The following PCID2 variants were observed in gnomAD, a reference collection of about 807,000 sequenced individuals.
PCID2 encodes the protein PCI domain-containing protein 2.
PCID2 carries 41 observed loss-of-function variants against 61.3 expected under a neutral mutation model. The observed-to-expected ratio is 0.67, with a 90% CI of 0.52 to 0.87. The LOEUF (loss-of-function observed/expected upper bound fraction) is 0.87. PCID2 is among the 40% of genes least tolerant of loss of function. PCID2 has a pLI of 0.00. For missense variants in PCID2, 392 were observed against 493.4 expected (o/e 0.79, Z 1.95); for synonymous variants, 187 against 177.8 (o/e 1.05, Z -0.41).
At chr13:113,180,426 T>G (rs1052887506) in intron 10 of PCID2, among the ~76,000 whole-genome samples, 195 bp from the exon 11 acceptor site, 3 of 152,224 alleles carry the variant, frequency 2.0e-5, no homozygotes, top group African/African-American at 7.2e-5. Context: ...TACAACACAC[T>G]TTTGTCATTC....
intron 1 of PCID2, 170 bp from the exon 2 acceptor site, chr13:113,200,686 A>G: frequency 2.1e-6 from 1 of 476,006 alleles, no homozygotes; most frequent in Non-Finnish European, 3.7e-6. Flanking sequence ...CAGTGGGTAA[A>G]CAATAATTTC....
intron 1 of PCID2, among the ~76,000 whole-genome samples, chr13:113,203,090 C>A (rs895001182): frequency 1.6e-4 from 24 of 152,184 alleles, no homozygotes; most frequent in African/African-American, 5.5e-4. Context: ...GTGGGTAGGG[C>A]GGTGTCGCCG....
At chr13:113,171,142 T>C in the PCID2 span, among the ~76,000 whole-genome samples, 1 of 152,176 alleles carries the variant, frequency 6.6e-6, no homozygotes, top group Non-Finnish European at 1.5e-5. This position sits in a 1 kb window ranked among gnomAD's most constrained non-coding sequence, Gnocchi z 5.1. Flanking sequence ...AAAGCTGGTC[T>C]TTACTCCTGG....
downstream of PCID2, among the ~76,000 whole-genome samples, chr13:113,174,857 T>C (rs919780509): frequency 2.6e-5 from 4 of 152,216 alleles, 1 homozygote; most frequent in Non-Finnish European, 5.9e-5. Flanking sequence ...TTTGAATCCA[T>C]GCAAACACAC....
chr13:113,180,799 G>C (rs1263856395), intron 10 of PCID2, among the ~76,000 whole-genome samples: 1 of 152,138 alleles, frequency 6.6e-6, no homozygotes, highest in Non-Finnish European at 1.5e-5. Context: ...TTCTTTCTTG[G>C]TGAATCCACT....
At chr13:113,196,985 C>CTAAGT (rs1352186680) in intron 4 of PCID2, 193 bp downstream of exon 4, 2 of 1,437,914 alleles carry the variant, frequency 1.4e-6, no homozygotes, top group African/African-American at 2.8e-5. Flanking sequence ...CTAAGTACTG[C>CTAAGT]ACGAGTCTTC....
At chr13:113,204,557 G>T (rs1205016233) in intron 1 of PCID2, among the ~76,000 whole-genome samples, 2 of 152,172 alleles carry the variant, frequency 1.3e-5, no homozygotes, top group Admixed American at 1.3e-4. Context: ...CCTGGGCTCT[G>T]CTTGGCCACA....
In PCID2 at chr13:113,200,496, G is replaced by A. The variant is rs750733249; in HGVS notation, c.57C>T (p.Ser19=). Residue 19 remains serine, a synonymous_variant, in exon 2 of 14, where the codon AGC becomes AGT. Transcript: ENST00000337344. ...YLQQVYEAID[S]RDGASCAELV... is the part of the protein sequence containing the mutation. ...ACTCTGCACAAGATGCTCCATCTCTGCTGTCGATGGCTTCGTACACCTGAA... is the reference window on the plus strand; with the variant it reads ...ACTCTGCACAAGATGCTCCATCTCTACTGTCGATGGCTTCGTACACCTGAA... 2.5e-6 allele frequency: 4 copies of A among 1,611,786 alleles called. No individual in the cohort carries two copies. The South Asian group carries it at 3.3e-5, about 13-fold the overall frequency.
At chr13:113,170,601 C>A in the PCID2 span, 1 of 991,152 alleles carries the variant, frequency 1.0e-6, no homozygotes, top group Non-Finnish European at 1.6e-6. Flanking sequence ...AATGAAATGA[C>A]AAATTTAAAA....
Position 113,201,549 on chromosome 13 carries a change from C to T in PCID2, c.37-1033G>A, listed in dbSNP as rs2039428531. ...AAAAATTGCCGGTCACGGTGGCTCA[C>T]GCCTGTAATCCCAGCACTTTGGGAG... is the stretch of plus-strand genomic sequence containing the variant. On this transcript the variant is annotated intron_variant, in intron 1 of 13. Transcript: ENST00000337344. 2.6e-5 allele frequency among the ~76,000 whole-genome samples: 4 copies of T among 152,164 alleles called. No homozygotes were observed. The South Asian group carries it at 8.3e-4, about 32-fold the overall frequency.
rs2038557547 is a variant in PCID2, at chr13:113,190,884, C to T, written c.455G>A (p.Cys152Tyr). ...AELLMSCFRVCASDTRAGIED... is the reference protein window; with the variant it reads ...AELLMSCFRVYASDTRAGIED... ...AGTCCTTACTCACGTGTCGCTGGCACAGACCCGGAAACAGCTCATCAGTAA... is the reference window on the plus strand; with the variant it reads ...AGTCCTTACTCACGTGTCGCTGGCATAGACCCGGAAACAGCTCATCAGTAA... Residue 152 changes from cysteine to tyrosine, a missense_variant, in exon 7 of 14, where the codon TGT becomes TAT. Around this residue, in one of 3 missense-constraint regions of PCID2, gnomAD observed 11 missense variants for 32.0 expected, o/e 0.34. Transcript: ENST00000337344. 6.2e-7 allele frequency: 1 copy of T among 1,610,952 alleles called. No homozygotes were observed. Among genetic ancestry groups the T allele is most frequent in the Non-Finnish European group, 8.5e-7 (1 of 1,178,072 alleles).
chr13:113,191,478 T>C (rs750673301), intron 6 of PCID2, among the ~76,000 whole-genome samples: 9 of 152,244 alleles, frequency 5.9e-5, no homozygotes, highest in Non-Finnish European at 1.0e-4. Flanking sequence ...AAACCAAATC[T>C]TTCTTCAATT....
downstream of PCID2, among the ~76,000 whole-genome samples, chr13:113,174,619 T>TGGTGGTGTG (rs2037161674): frequency 1.3e-5 from 2 of 152,174 alleles, no homozygotes; most frequent in African/African-American, 4.8e-5. Flanking sequence ...CTCAGCCTCC[T>TGGTGGTGTG]GACTACAGGT....
chr13:113,189,033 C>T (rs1449942098), intron 7 of PCID2, among the ~76,000 whole-genome samples: 1 of 152,024 alleles, frequency 6.6e-6, no homozygotes, highest in Non-Finnish European at 1.5e-5. Context: ...GTTTTTGGGT[C>T]ATGGGGGTGG....
chr13:113,195,255 A>G, intron 5 of PCID2, 130 bp from the exon 6 acceptor site: 1 of 685,764 alleles, frequency 1.5e-6, no homozygotes, highest in South Asian at 1.6e-5. Flanking sequence ...AAACTCTGAC[A>G]GTTGTCTGCT....
chr13:113,166,947 C>G, the PCID2 span, among the ~76,000 whole-genome samples: 1 of 152,226 alleles, frequency 6.6e-6, no homozygotes, highest in African/African-American at 2.4e-5. Flanking sequence ...GAGGCATTCT[C>G]TAAACACAGC....
chr13:113,175,464 T>C (rs1460390209), downstream of PCID2, among the ~76,000 whole-genome samples: 2 of 146,088 alleles, frequency 1.4e-5, no homozygotes, highest in East Asian at 4.4e-4. Flanking sequence ...AAGAAAATCA[T>C]TTAAGTCAAA....
chr13:113,172,758 G>A (rs940911869), downstream of PCID2, among the ~76,000 whole-genome samples: 19 of 152,306 alleles, frequency 1.2e-4, no homozygotes, highest in Non-Finnish European at 2.6e-4. Context: ...TCCGGGGCCC[G>A]AAGTCAGGGC....
intron 7 of PCID2, 64 bp from the exon 8 acceptor site, chr13:113,185,624 A>T (rs2038041906): frequency 9.5e-7 from 1 of 1,052,366 alleles, no homozygotes; most frequent in East Asian, 2.5e-5. Flanking sequence ...AAATCACAAA[A>T]TAAACTGCCT....
Sources: allele counts gnomAD v4.1 joint callset (sites outside exome capture counted in the v4.1 genomes callset), GRCh38; gene constraint gnomAD v4.1.1; regional missense constraint gnomAD v4.1.1; non-coding constraint Gnocchi (gnomAD v3.1); transcripts MANE v1.5; gene names NCBI Gene and HGNC (gene_info 2026-07-23, HGNC 2026-07-21).